Variants in UNC13C observed in about 807,000 individuals in gnomAD.
UNC13C encodes the protein unc-13 homolog C, also known as protein unc-13 homolog C.
A neutral mutation model predicts 245.4 loss-of-function variants in UNC13C; 174 were observed. That is an observed-to-expected ratio of 0.71 (90% CI 0.63 to 0.80). UNC13C has a LOEUF of 0.80. UNC13C is among the 30% of genes least tolerant of loss of function. The pLI is 0.00. For synonymous variants in UNC13C, 992 were observed against 895.1 expected, an observed-to-expected ratio of 1.11 and a Z score of -1.93; for missense variants, 2,829 against 2,602.9, an observed-to-expected ratio of 1.09 and a Z score of -1.89.
At chr15:54,296,374 T>A (rs1038055409) in intron 11 of UNC13C, among the ~76,000 whole-genome samples, 30 of 100,198 alleles carry the variant, frequency 3.0e-4, no homozygotes, top group East Asian at 9.8e-4. Flanking sequence ...CTAATTTTTT[T>A]TTTTTTTTAT....
the UNC13C span, among the ~76,000 whole-genome samples, chr15:53,956,107 T>C: frequency 2.0e-5 from 3 of 152,160 alleles, no homozygotes; most frequent in South Asian, 2.1e-4. Context: ...TTCTCACTTA[T>C]AGGTGGGAGT....
At chr15:54,355,285 T>C (rs2039069561) in intron 17 of UNC13C, among the ~76,000 whole-genome samples, 1 of 152,240 alleles carries the variant, frequency 6.6e-6, no homozygotes, top group Non-Finnish European at 1.5e-5. Flanking sequence ...ATTAGAATTA[T>C]TTCTATGATC....
intron 30 of UNC13C, among the ~76,000 whole-genome samples, chr15:54,568,952 C>T (rs1292728766): frequency 6.6e-6 from 1 of 152,028 alleles, no homozygotes; most frequent in East Asian, 1.9e-4. Flanking sequence ...TTTCATATAT[C>T]CCAGGTTATA....
At chr15:54,371,431 C>A (rs1210899574) in intron 17 of UNC13C, among the ~76,000 whole-genome samples, 1 of 152,104 alleles carries the variant, frequency 6.6e-6, no homozygotes, top group African/African-American at 2.4e-5. Flanking sequence ...CAACATTGCA[C>A]CCCATTAAGT....
At chr15:54,134,119 TGTA>T (rs555473060) in intron 2 of UNC13C, among the ~76,000 whole-genome samples, 262 of 150,940 alleles carry the variant, frequency 1.7e-3, no homozygotes, top group Non-Finnish European at 2.6e-3. Context: ...GAGAAAACAA[TGTA>T]GTATTATTGG....
intron 23 of UNC13C, among the ~76,000 whole-genome samples, chr15:54,509,033 C>G (rs751503532): frequency 5.3e-5 from 8 of 152,228 alleles, no homozygotes; most frequent in Admixed American, 6.5e-5. Context: ...AACCCTGTCT[C>G]TACTAAAAAT....
chr15:54,088,380 G>C (rs1899369519), intron 2 of UNC13C, among the ~76,000 whole-genome samples: 1 of 151,910 alleles, frequency 6.6e-6, no homozygotes, highest in South Asian at 2.1e-4. Flanking sequence ...GGGCAGAGAG[G>C]GGACATGCTA....
chr15:53,886,950 A>C, the UNC13C span, among the ~76,000 whole-genome samples: 2 of 152,152 alleles, frequency 1.3e-5, no homozygotes, highest in African/African-American at 4.8e-5. Context: ...CAAGGTCATC[A>C]AAAACAAGGA....
At chr15:54,035,095 A>G (rs1021349761) in intron 2 of UNC13C, among the ~76,000 whole-genome samples, 1 of 152,166 alleles carries the variant, frequency 6.6e-6, no homozygotes, top group African/African-American at 2.4e-5. Flanking sequence ...ATGACTCTTC[A>G]GATATACATT....
intron 4 of UNC13C, among the ~76,000 whole-genome samples, chr15:54,145,773 G>T (rs540771362): frequency 6.6e-6 from 1 of 152,308 alleles, no homozygotes; most frequent in Admixed American, 6.5e-5. Flanking sequence ...TTCGCCTACA[G>T]CATCTATCAC....
intron 19 of UNC13C, among the ~76,000 whole-genome samples, chr15:54,455,205 C>CTCTCTCTCTCTA (rs1388065398): frequency 1.4e-3 from 26 of 18,956 alleles, no homozygotes; most frequent in African/African-American, 2.5e-3. Flanking sequence ...CTCTCTCTCT[C>CTCTCTCTCTCTA]TATATATATA....
intron 30 of UNC13C, among the ~76,000 whole-genome samples, chr15:54,574,671 T>C (rs2681969): frequency 0.46 from 70,212 of 151,936 alleles, 16,543 homozygotes; most frequent in East Asian, 0.57. Flanking sequence ...TTACAACAGT[T>C]CCATAAAAAT....
chr15:54,556,418 T>C (rs1309529824), intron 29 of UNC13C, among the ~76,000 whole-genome samples: 1 of 152,056 alleles, frequency 6.6e-6, no homozygotes, highest in Non-Finnish European at 1.5e-5. Context: ...CTCGTGGCTT[T>C]TGTTTTGCAG....
chr15:54,013,791 C>T lies in UNC13C; in HGVS notation c.888C>T (p.Val296=). The T allele has an allele frequency of 6.2e-7, 1 of 1,611,414 alleles. No homozygotes were observed. Among genetic ancestry groups the T allele is most frequent in the Non-Finnish European group, 8.5e-7 (1 of 1,178,832 alleles). The change falls in exon 2 of 33, where the codon GTC becomes GTT. Residue 296 remains valine (V), a synonymous_variant. Coordinates refer to ENST00000260323, the MANE Select transcript of UNC13C (RefSeq NM_001080534.3). ...TTGAGCAGTTGCGCACAGGGTTTGT[C>T]CAGTCTCGGAGGGAAACTAGAGACA... The part of the protein sequence containing the change: ...SEIEQLRTGF[V]QSRRETRDIH...
At chr15:54,621,475 T>C (rs1185588944) in intron 30 of UNC13C, among the ~76,000 whole-genome samples, 1 of 142,494 alleles carries the variant, frequency 7.0e-6, no homozygotes, top group Admixed American at 7.0e-5. Context: ...TCCAAGCCTG[T>C]AGTCGTTGAT....
chr15:54,261,438 GA>G (rs1307051797), intron 8 of UNC13C, among the ~76,000 whole-genome samples: 1 of 152,184 alleles, frequency 6.6e-6, no homozygotes, highest in Admixed American at 6.5e-5. Flanking sequence ...AATTTATTAT[GA>G]ATTTGTCTCT....
chr15:54,361,629 G>A (rs7342606), intron 17 of UNC13C, among the ~76,000 whole-genome samples: 71,356 of 151,954 alleles, frequency 0.47, 17,121 homozygotes, highest in East Asian at 0.74. Context: ...GTATTCTTTG[G>A]TGGTATTAGA....
At chr15:54,306,083 CAAAAGA>C (rs1297529249) in intron 13 of UNC13C, among the ~76,000 whole-genome samples, 1 of 151,982 alleles carries the variant, frequency 6.6e-6, no homozygotes. Flanking sequence ...TCTTTTCAGA[CAAAAGA>C]GTCTGAAACT....
At chr15:54,073,472 G>T (rs1898431735) in intron 2 of UNC13C, among the ~76,000 whole-genome samples, 1 of 152,092 alleles carries the variant, frequency 6.6e-6, no homozygotes, top group African/African-American at 2.4e-5. Flanking sequence ...CTTCCACAAT[G>T]GTTAAACTAA....
Sources: gnomAD v4.1 joint callset for allele counts (sites outside exome capture counted in the v4.1 genomes callset) on GRCh38, gnomAD v4.1.1 for gene constraint, MANE v1.5 for transcripts, NCBI Gene and HGNC (gene_info 2026-07-23, HGNC 2026-07-21) for gene names.